CASK: variants seen among roughly 807,000 people sequenced by gnomAD.
The protein encoded by CASK is calcium/calmodulin dependent serine protein kinase.
Under a neutral mutation model 82.9 loss-of-function variants are expected in CASK, and 4 were observed. That is an observed-to-expected ratio of 0.05 (90% CI 0.02 to 0.11). The LOEUF is 0.11. Ranked by LOEUF, CASK falls within the 10% of genes least tolerant of loss-of-function variation. CASK has a pLI of 1.00. For synonymous variants in CASK, 259 were observed against 253.5 expected (o/e 1.02, Z -0.20); for missense variants, 358 against 720.9 (o/e 0.50, Z 5.76).
intron 14 of CASK, among the ~76,000 whole-genome samples, chrX:41,581,764 G>C (rs1480372103): frequency 2.8e-5 from 3 of 108,532 alleles, no homozygotes; most frequent in Admixed American, 9.9e-5. Flanking sequence ...ATATATCTCA[G>C]AATTATATTT....
intron 5 of CASK, among the ~76,000 whole-genome samples, chrX:41,737,760 G>C (rs920717198): frequency 8.9e-6 from 1 of 112,118 alleles, no homozygotes; most frequent in African/African-American, 3.2e-5. Context: ...GAGCAAAACA[G>C]TTCTTAACAT....
intron 5 of CASK, among the ~76,000 whole-genome samples, chrX:41,721,139 G>T (rs1240425886): frequency 9.0e-6 from 1 of 111,341 alleles, no homozygotes; most frequent in Non-Finnish European, 1.9e-5. Flanking sequence ...GACAATAGAA[G>T]GGGAACCTTG....
At chrX:41,531,256 G>A (rs150078824) in intron 24 of CASK, 47 bp from the exon 25 acceptor site, 1 of 968,159 alleles carries the variant, frequency 1.0e-6, no homozygotes, top group South Asian at 1.9e-5. Context: ...GAGCTGATGA[G>A]CTTACTACAC....
Position 41,777,317 on chromosome X carries a change from C to T in CASK, c.278+9861G>A, listed in dbSNP as rs754944122. On this transcript the variant is annotated intron_variant, in intron 3 of 26. Transcript: ENST00000378163. ...GACCAGCCTAGCCAACATGGTGAAACCCTGTCTCTACTAAAAATACAAAAA... is the reference window on the plus strand; with the variant it reads ...GACCAGCCTAGCCAACATGGTGAAATCCTGTCTCTACTAAAAATACAAAAA... Among the ~76,000 whole-genome samples, 6 of 109,720 alleles carry T rather than the reference C, an allele frequency of 5.5e-5. No homozygotes were observed. In the South Asian group the frequency reaches 2.4e-3, roughly 43 times the overall value.
At chrX:41,691,840 CAAAAA>C (rs397895684) in intron 5 of CASK, among the ~76,000 whole-genome samples, 9 of 28,483 alleles carry the variant, frequency 3.2e-4, no homozygotes, top group Non-Finnish European at 4.5e-4. Flanking sequence ...GACTCTGTCT[CAAAAA>C]AAAAAAAAAA....
Position 41,515,326 on chromosome X carries a change from T to G in CASK, c.*5094A>C, listed in dbSNP as rs746088215. Reference sequence around the variant, plus strand: ...ACGCTCTTGCAAGCTAAGGCTCTGCTGTACCCTGCAAATACTTACAATTGG... The same window carrying G: ...ACGCTCTTGCAAGCTAAGGCTCTGCGGTACCCTGCAAATACTTACAATTGG... On this transcript the variant is annotated 3_prime_UTR_variant, in exon 27 of 27. Transcript: ENST00000378163. 3.5e-5 allele frequency: 4 copies of G among 112,835 alleles called. No individual in the cohort carries two copies. Among genetic ancestry groups the G allele is most frequent in the African/African-American group, 1.3e-4 (4 of 31,146 alleles). The allele number at this position is 112,835 out of a possible 1,213,427, so 9.3% of individuals were successfully genotyped here.
intron 16 of CASK, among the ~76,000 whole-genome samples, chrX:41,565,196 A>C (rs2065292773): frequency 9.0e-6 from 1 of 111,523 alleles, no homozygotes. Flanking sequence ...AGAGCAAACA[A>C]ATTCAAAAGC....
intron 14 of CASK, chrX:41,584,646 A>G (rs2065631637): frequency 9.0e-6 from 1 of 111,315 alleles, no homozygotes; most frequent in Admixed American, 9.6e-5. Flanking sequence ...GGCTGATCTG[A>G]CAGGAGGGGG....
chrX:41,833,373 G>A (rs1601883326), intron 2 of CASK, among the ~76,000 whole-genome samples: 1 of 111,771 alleles, frequency 8.9e-6, no homozygotes, highest in African/African-American at 3.3e-5. Context: ...TATGTAAGGC[G>A]AAAGAAGCCA....
At chrX:41,792,650 T>C (rs1011852560) in intron 2 of CASK, among the ~76,000 whole-genome samples, 2 of 111,519 alleles carry the variant, frequency 1.8e-5, no homozygotes, top group African/African-American at 6.5e-5. Flanking sequence ...GCATATAATT[T>C]TAAATTTTCC....
intron 8 of CASK, among the ~76,000 whole-genome samples, chrX:41,648,807 T>C (rs947648796): frequency 9.0e-6 from 1 of 111,687 alleles, no homozygotes; most frequent in Non-Finnish European, 1.9e-5. Flanking sequence ...TTTCTATTGA[T>C]TGGAATAGTT....
intron 1 of CASK, among the ~76,000 whole-genome samples, chrX:41,894,510 G>A (rs1384084165): frequency 9.2e-6 from 1 of 108,142 alleles, no homozygotes; most frequent in Non-Finnish European, 1.9e-5. Flanking sequence ...CTAAGCACTG[G>A]ATGCAGCAGT....
chrX:41,820,522 A>G (rs1277037055), intron 2 of CASK, among the ~76,000 whole-genome samples: 1 of 111,467 alleles, frequency 9.0e-6, no homozygotes, highest in Non-Finnish European at 1.9e-5. Flanking sequence ...AAAAATCTAC[A>G]TAAATGGAGT....
At chrX:41,850,308 T>C (rs1191859569) in intron 2 of CASK, among the ~76,000 whole-genome samples, 1 of 112,253 alleles carries the variant, frequency 8.9e-6, no homozygotes, top group African/African-American at 3.2e-5. Flanking sequence ...GCTCTTTTTA[T>C]TTATCATTTG....
At position 41,556,494 on chromosome X, in the gene CASK, C is replaced by A. The variant is rs185645348; in HGVS notation, c.1806+538G>T. Among the ~76,000 whole-genome samples the A allele has an allele frequency of 1.3e-3, 141 of 112,232 alleles. 1 individual carries two copies. The highest frequency in any genetic ancestry group is 2.0e-3 in the Non-Finnish European group (109 of 53,200). On this transcript the variant is annotated intron_variant, in intron 19 of 26. Transcript: ENST00000378163. ...GCTTAAGTGCAGTTTGAAGCCAGTT[C>A]TTTTTGCTTTTCATATCCAGGCAAG...
chrX:41,801,039 G>T (rs1303429373), intron 2 of CASK, among the ~76,000 whole-genome samples: 1 of 111,749 alleles, frequency 8.9e-6, no homozygotes, highest in Non-Finnish European at 1.9e-5. Flanking sequence ...GGAGGAAGGT[G>T]TCAGTATCCA....
intron 26 of CASK, among the ~76,000 whole-genome samples, chrX:41,523,190 AGG>A (rs2064662664): frequency 8.9e-6 from 1 of 112,762 alleles, no homozygotes; most frequent in Admixed American, 9.3e-5. Flanking sequence ...AATTTTACAA[AGG>A]AATATACCTC....
rs997163730 is a variant in CASK, at chrX:41,619,191, C to A, written c.1033+3426G>T. Among the ~76,000 whole-genome samples, 7 of 111,603 alleles carry A rather than the reference C, an allele frequency of 6.3e-5. No individual in the cohort carries two copies. The East Asian group carries it at 2.0e-3, about 31-fold the overall frequency. On this transcript the variant is annotated intron_variant, in intron 11 of 26. Transcript: ENST00000378163. ...TTTTCCTAGCCCTTGGTCCAAACTT[C>A]CACATTCATGAACTTATTAGATACT...
chrX:41,692,570 T>C (rs1457425511), intron 5 of CASK, among the ~76,000 whole-genome samples: 3 of 112,937 alleles, frequency 2.7e-5, no homozygotes, highest in Non-Finnish European at 3.7e-5. Context: ...AAGACACATA[T>C]AACAAAGTGA....
Sources: allele counts gnomAD v4.1 joint callset (sites outside exome capture counted in the v4.1 genomes callset), GRCh38; gene constraint gnomAD v4.1.1; transcripts MANE v1.5; gene names NCBI Gene and HGNC (gene_info 2026-07-23, HGNC 2026-07-21).